Variants in MACROD2 observed in about 807,000 individuals in gnomAD.
MACROD2 encodes ADP-ribose glycohydrolase MACROD2.
In MACROD2, 36 loss-of-function variants were observed where a neutral mutation model predicts 70.4. The observed-to-expected ratio is 0.51, with a 90% CI of 0.39 to 0.68. MACROD2 has a LOEUF of 0.68. Among genes scored for constraint, MACROD2 ranks in the 30% least tolerant of loss-of-function variants. The probability of loss-of-function intolerance (pLI) is 0.00; values close to 1 mark genes in which losing one functional copy is unlikely to be tolerated. For synonymous variants in MACROD2, 172 were observed against 178.8 expected (o/e 0.96, Z 0.30); for missense variants, 496 against 538.4 (o/e 0.92, Z 0.78).
At chr20:15,891,785 G>C (rs1027974362) in intron 10 of MACROD2, among the ~76,000 whole-genome samples, 2 of 152,156 alleles carry the variant, frequency 1.3e-5, no homozygotes, top group African/African-American at 4.8e-5. Context: ...TAAACATCAA[G>C]TATATGATTC....
chr20:15,091,164 C>G (rs1228321567), intron 5 of MACROD2, among the ~76,000 whole-genome samples: 1 of 152,064 alleles, frequency 6.6e-6, no homozygotes, highest in Non-Finnish European at 1.5e-5. Flanking sequence ...CCTAGTAACA[C>G]ATTCAACATT....
At chr20:14,439,696 T>C (rs2084099606) in intron 3 of MACROD2, among the ~76,000 whole-genome samples, 2 of 152,184 alleles carry the variant, frequency 1.3e-5, no homozygotes, top group African/African-American at 4.8e-5. Flanking sequence ...TTTAATAATG[T>C]TATTTACTAA....
At position 14,451,651 on chromosome 20, in the gene MACROD2, G is replaced by A. The variant is rs565244746; in HGVS notation, c.272-41828G>A. Among the ~76,000 whole-genome samples the A allele has an allele frequency of 2.6e-5, 4 of 152,118 alleles. No individual in the cohort carries two copies. The East Asian group carries it at 7.7e-4, about 29-fold the overall frequency. On this transcript the variant is annotated intron_variant, in intron 3 of 17. Coordinates refer to ENST00000684519, the MANE Select transcript of MACROD2 (RefSeq NM_001351661.2). ...CCAGGGCACGTAGACTCAGCGGCAG[G>A]CCTAGCCTGAGGCATAAGAAACAAG...
At chr20:15,220,255 G>A (rs1243124001) in intron 5 of MACROD2, among the ~76,000 whole-genome samples, 2 of 152,052 alleles carry the variant, frequency 1.3e-5, no homozygotes, top group African/African-American at 2.4e-5. Context: ...TCTCTAATCT[G>A]GTACATCATT....
At chr20:15,100,341 C>T (rs1311952375) in intron 5 of MACROD2, among the ~76,000 whole-genome samples, 1 of 151,960 alleles carries the variant, frequency 6.6e-6, no homozygotes, top group African/African-American at 2.4e-5. Context: ...TTTGTTGAGG[C>T]ACAAGCCTGT....
chr20:14,950,581 A>AT (rs2074467843), intron 5 of MACROD2, among the ~76,000 whole-genome samples: 1 of 152,092 alleles, frequency 6.6e-6, no homozygotes. Flanking sequence ...ATTAGGTATT[A>AT]TTTTGTTTTG....
At chr20:14,483,065 A>C (rs1165005985) in intron 3 of MACROD2, among the ~76,000 whole-genome samples, 1 of 152,174 alleles carries the variant, frequency 6.6e-6, no homozygotes, top group African/African-American at 2.4e-5. Context: ...AAAAATGATA[A>C]ATGTAAGCTA....
intron 8 of MACROD2, among the ~76,000 whole-genome samples, chr20:15,837,568 TC>T (rs2064127979): frequency 6.6e-6 from 1 of 152,152 alleles, no homozygotes; most frequent in South Asian, 2.1e-4. Context: ...TCTGTTTTTT[TC>T]CAACTTGCCG....
At chr20:14,479,056 T>TC (rs2084631347) in intron 3 of MACROD2, among the ~76,000 whole-genome samples, 1 of 152,068 alleles carries the variant, frequency 6.6e-6, no homozygotes, top group South Asian at 2.1e-4. Flanking sequence ...CACCAGCATC[T>TC]CCCACCCACA....
chr20:14,021,973 C>G (rs1282559488), intron 2 of MACROD2, among the ~76,000 whole-genome samples: 3 of 152,134 alleles, frequency 2.0e-5, no homozygotes, highest in Non-Finnish European at 4.4e-5. Flanking sequence ...CTTGGAAGTA[C>G]AATGGTACAC....
intron 3 of MACROD2, among the ~76,000 whole-genome samples, chr20:14,202,160 G>A (rs1014140896): frequency 3.3e-5 from 5 of 152,068 alleles, no homozygotes; most frequent in African/African-American, 1.2e-4. Flanking sequence ...ATATTAAAAT[G>A]AGTGGCAAAT....
At chr20:14,608,489 G>A (rs1319716452) in intron 4 of MACROD2, among the ~76,000 whole-genome samples, 1 of 152,180 alleles carries the variant, frequency 6.6e-6, no homozygotes, top group African/African-American at 2.4e-5. Context: ...AGTGAAGTTT[G>A]AGGTCAGGAT....
chr20:15,047,712 A>G (rs2075405987), intron 5 of MACROD2, among the ~76,000 whole-genome samples: 1 of 152,166 alleles, frequency 6.6e-6, no homozygotes, highest in African/African-American at 2.4e-5. Context: ...AGAGTTTACA[A>G]CCAGTTTTAC....
intron 3 of MACROD2, among the ~76,000 whole-genome samples, chr20:14,452,884 C>T (rs117260598): frequency 0.023 from 3,556 of 152,202 alleles, 63 homozygotes; most frequent in Non-Finnish European, 0.032. Flanking sequence ...TTGAGGTTTT[C>T]CTCTTATGGC....
intron 3 of MACROD2, among the ~76,000 whole-genome samples, chr20:14,314,878 TAGAC>T (rs1329699166): frequency 6.6e-6 from 1 of 152,140 alleles, no homozygotes; most frequent in Admixed American, 6.5e-5. Context: ...TCCACACAAT[TAGAC>T]AGGCATTATT....
At chr20:16,010,627 GC>G (rs374799575) in intron 15 of MACROD2, among the ~76,000 whole-genome samples, 13 of 152,256 alleles carry the variant, frequency 8.5e-5, no homozygotes, top group African/African-American at 2.9e-4. Context: ...GTTTCTGACA[GC>G]CCTCATAAGA....
intron 4 of MACROD2, among the ~76,000 whole-genome samples, chr20:14,585,917 T>C (rs1981343118): frequency 6.6e-6 from 1 of 152,114 alleles, no homozygotes; most frequent in South Asian, 2.1e-4. Context: ...TTAAGACCTT[T>C]TGAGGCCAAC....
chr20:14,845,496 TA>T (rs889027915), intron 5 of MACROD2, among the ~76,000 whole-genome samples: 3 of 151,986 alleles, frequency 2.0e-5, no homozygotes, highest in Admixed American at 2.0e-4. Flanking sequence ...ATTTAATAAT[TA>T]AAAAAAGAAA....
At chr20:14,644,492 A>T (rs1985269575) in intron 4 of MACROD2, among the ~76,000 whole-genome samples, 1 of 152,182 alleles carries the variant, frequency 6.6e-6, no homozygotes, top group African/African-American at 2.4e-5. Flanking sequence ...TCTTATTTGC[A>T]GATTATTATA....
Sources: gnomAD v4.1 joint callset for allele counts (sites outside exome capture counted in the v4.1 genomes callset) on GRCh38, gnomAD v4.1.1 for gene constraint, MANE v1.5 for transcripts, NCBI Gene and HGNC (gene_info 2026-07-23, HGNC 2026-07-21) for gene names.